ZCCHC7: variants seen among roughly 807,000 people sequenced by gnomAD.
The protein encoded by ZCCHC7 is zinc finger CCHC domain-containing protein 7.
ZCCHC7 carries 35 observed loss-of-function variants against 52.0 expected under a neutral mutation model. That is an observed-to-expected ratio of 0.67 (90% CI 0.51 to 0.89). ZCCHC7 has a LOEUF of 0.89. ZCCHC7 is among the 40% of genes least tolerant of loss of function. The pLI, the probability that ZCCHC7 is intolerant of heterozygous loss-of-function variation, is 0.00. For synonymous variants in ZCCHC7, 217 were observed against 221.5 expected (o/e 0.98, Z 0.18); for missense variants, 574 against 649.1 (o/e 0.88, Z 1.26).
At chr9:37,179,780 C>T (rs958286934) in intron 2 of ZCCHC7, among the ~76,000 whole-genome samples, 1 of 152,038 alleles carries the variant, frequency 6.6e-6, no homozygotes, top group East Asian at 1.9e-4. Context: ...GACAGTTTTG[C>T]CAACAACATG....
At chr9:37,178,111 A>G (rs1000676582) in intron 2 of ZCCHC7, among the ~76,000 whole-genome samples, 1 of 152,152 alleles carries the variant, frequency 6.6e-6, no homozygotes, top group African/African-American at 2.4e-5. Context: ...CTGTAAACCT[A>G]AAACTGTTCT....
chr9:37,331,710 C>T (rs946948357), intron 6 of ZCCHC7, among the ~76,000 whole-genome samples: 6 of 151,608 alleles, frequency 4.0e-5, no homozygotes, highest in African/African-American at 1.4e-4. Context: ...TTCAAAAAGT[C>T]AGCCAGAATC....
rs185660685 is a variant in ZCCHC7, at chr9:37,129,960, C to T, written c.610+3018C>T. Among the ~76,000 whole-genome samples the T allele has an allele frequency of 2.3e-4, 35 of 152,180 alleles. No individual in the cohort carries two copies. The East Asian group carries it at 2.3e-3, about 10-fold the overall frequency. On this transcript the variant is annotated intron_variant, in intron 2 of 8. Transcript: ENST00000336755. ...GTGGTAAAAGACTTAAGTTTTAGGC[C>T]GAGAGCAGTGGCTCACGCCTGTAAT... is the stretch of plus-strand genomic sequence containing the variant.
At chr9:37,134,001 G>A (rs938682599) in intron 2 of ZCCHC7, among the ~76,000 whole-genome samples, 6 of 152,196 alleles carry the variant, frequency 3.9e-5, no homozygotes, top group African/African-American at 1.4e-4. Flanking sequence ...TAGGATTACA[G>A]GTGTGAGCCA....
chr9:37,288,127 A>G (rs1258022538), intron 2 of ZCCHC7, among the ~76,000 whole-genome samples: 1 of 151,846 alleles, frequency 6.6e-6, no homozygotes, highest in Admixed American at 6.6e-5. Flanking sequence ...AAAAATATAA[A>G]AAATTAGCCA....
intron 6 of ZCCHC7, among the ~76,000 whole-genome samples, chr9:37,337,277 A>T (rs982298068): frequency 6.6e-6 from 1 of 152,050 alleles, no homozygotes; most frequent in Non-Finnish European, 1.5e-5. Context: ...GCTCAGCCTC[A>T]TATATGGTTT....
intron 2 of ZCCHC7, among the ~76,000 whole-genome samples, chr9:37,164,985 A>G (rs139080527): frequency 2.4e-4 from 37 of 152,338 alleles, no homozygotes; most frequent in African/African-American, 8.4e-4. Flanking sequence ...AATATTTAGT[A>G]TTCCAGATCG....
At chr9:37,312,695 GGAGGACTGCCTGAGGCCAGGAGTTA>G (rs1829650929) in intron 5 of ZCCHC7, among the ~76,000 whole-genome samples, 1 of 152,202 alleles carries the variant, frequency 6.6e-6, no homozygotes, top group African/African-American at 2.4e-5. Context: ...GGCCAAATCT[GGAGGACTGCCTGAGGCCAGGAGTTA>G]GAGACCAGCC....
At chr9:37,312,429 A>AT (rs1829640121) in intron 5 of ZCCHC7, among the ~76,000 whole-genome samples, 1 of 152,254 alleles carries the variant, frequency 6.6e-6, no homozygotes, top group Non-Finnish European at 1.5e-5. Context: ...GTGTGTTAAG[A>AT]ACAGTGTAAA....
intron 7 of ZCCHC7, among the ~76,000 whole-genome samples, chr9:37,353,210 A>G (rs1298128068): frequency 1.3e-5 from 2 of 152,198 alleles, no homozygotes; most frequent in Non-Finnish European, 2.9e-5. Flanking sequence ...TATATGTATA[A>G]ATTAACCAGA....
intron 2 of ZCCHC7, among the ~76,000 whole-genome samples, chr9:37,182,353 T>G (rs1822405215): frequency 6.6e-6 from 1 of 151,056 alleles, no homozygotes; most frequent in Non-Finnish European, 1.5e-5. Flanking sequence ...TTTTTTTCTT[T>G]TTTTCTTTTT....
intron 2 of ZCCHC7, among the ~76,000 whole-genome samples, chr9:37,172,931 G>A (rs940609481): frequency 6.6e-6 from 1 of 151,962 alleles, no homozygotes. Context: ...TGAGCAACGT[G>A]GGCATTCCAA....
At chr9:37,143,202 T>A (rs150985896) in intron 2 of ZCCHC7, among the ~76,000 whole-genome samples, 114 of 151,948 alleles carry the variant, frequency 7.5e-4, no homozygotes, top group African/African-American at 2.5e-3. Flanking sequence ...CCTCTTCCTT[T>A]TTTCTTTTGG....
chr9:37,330,495 G>T (rs959808352), intron 6 of ZCCHC7, among the ~76,000 whole-genome samples: 2 of 151,148 alleles, frequency 1.3e-5, no homozygotes, highest in South Asian at 4.2e-4. Flanking sequence ...ATGTTTTAAT[G>T]ATTCTATAAT....
chr9:37,332,765 T>C (rs937899275), intron 6 of ZCCHC7, among the ~76,000 whole-genome samples: 2 of 151,658 alleles, frequency 1.3e-5, no homozygotes, highest in African/African-American at 4.8e-5. Flanking sequence ...TAAAATTTGC[T>C]AAATCATCAA....
intron 2 of ZCCHC7, among the ~76,000 whole-genome samples, chr9:37,203,075 A>G (rs1396544190): frequency 6.6e-6 from 1 of 152,210 alleles, no homozygotes; most frequent in East Asian, 1.9e-4. Context: ...TAGGAAGTGC[A>G]GGGTGGTATC....
intron 6 of ZCCHC7, among the ~76,000 whole-genome samples, chr9:37,338,555 A>C (rs2118437682): frequency 6.6e-6 from 1 of 152,262 alleles, no homozygotes; most frequent in East Asian, 1.9e-4. Flanking sequence ...AGTAGGGAGG[A>C]AGTTACAGAG....
At position 37,251,820 on chromosome 9, in the gene ZCCHC7, C is replaced by A. The variant is rs150057590; in HGVS notation, c.611-50368C>A. Among the ~76,000 whole-genome samples, 11 of 152,256 alleles carry A rather than the reference C, an allele frequency of 7.2e-5. No individual in the cohort carries two copies. In the East Asian group the frequency reaches 1.9e-3, roughly 27 times the overall value. ...TGCCAGGGGTAACTAGAGAGTATCA[C>A]CAGTATCGTGTGATCACTAGGCTGT... On this transcript the variant is annotated intron_variant, in intron 2 of 8. Transcript: ENST00000336755.
Position 37,357,446 on chromosome 9 carries a change from C to A in ZCCHC7, c.*178C>A. 4.0e-6 allele frequency: 2 copies of A among 498,898 alleles called. No individual in the cohort carries two copies. Among genetic ancestry groups the A allele is most frequent in the South Asian group, 4.7e-5 (1 of 21,450 alleles). The allele number at this position is 498,898 out of a possible 1,614,324, so 30.9% of individuals were successfully genotyped here. Reference sequence around the variant, plus strand: ...CATGGAGATCTCAATTCTCTGTGTCCAACAGGATATTAGGTAAGAAAGTAC... The same window carrying A: ...CATGGAGATCTCAATTCTCTGTGTCAAACAGGATATTAGGTAAGAAAGTAC... On this transcript the variant is annotated 3_prime_UTR_variant, in exon 9 of 9. Coordinates refer to ENST00000336755, the MANE Select transcript of ZCCHC7 (RefSeq NM_032226.3).
Sources: allele counts gnomAD v4.1 joint callset (sites outside exome capture counted in the v4.1 genomes callset), GRCh38; gene constraint gnomAD v4.1.1; transcripts MANE v1.5; gene names NCBI Gene and HGNC (gene_info 2026-07-23, HGNC 2026-07-21).